HTR2C: variants seen among roughly 807,000 people sequenced by gnomAD.
HTR2C encodes 5-hydroxytryptamine receptor 2C.
HTR2C carries 5 observed loss-of-function variants against 21.0 expected under a neutral mutation model. The observed-to-expected ratio is 0.24, with a 90% CI of 0.12 to 0.50. HTR2C has a LOEUF of 0.50. HTR2C is among the 20% of genes least tolerant of loss of function. The pLI, the probability that HTR2C is intolerant of heterozygous loss-of-function variation, is 0.98. For synonymous variants in HTR2C, 150 were observed against 145.3 expected (o/e 1.03, Z -0.23); for missense variants, 271 against 371.2 (o/e 0.73, Z 2.22).
intron 1 of HTR2C, among the ~76,000 whole-genome samples, chrX:114,611,760 C>T (rs1928744154): frequency 9.0e-6 from 1 of 111,627 alleles, no homozygotes; most frequent in Non-Finnish European, 1.9e-5. Flanking sequence ...TGCAGTGGCG[C>T]GATCTCGGCT....
intron 2 of HTR2C, among the ~76,000 whole-genome samples, chrX:114,712,387 A>G (rs1932904697): frequency 8.9e-6 from 1 of 112,103 alleles, no homozygotes; most frequent in Admixed American, 9.5e-5. Flanking sequence ...AGAAATGAAT[A>G]CTTTAATCAA....
chrX:114,807,313 A>ATATCTATACCATATATATACACCATG (rs1569496245), intron 4 of HTR2C, among the ~76,000 whole-genome samples: 1 of 69,906 alleles, frequency 1.4e-5, no homozygotes, highest in Non-Finnish European at 2.5e-5. Flanking sequence ...TATACACCAT[A>ATATCTATACCATATATATACACCATG]TATCTATACC....
chrX:114,800,450 A>G (rs1228807227), intron 4 of HTR2C, among the ~76,000 whole-genome samples: 1 of 111,356 alleles, frequency 9.0e-6, no homozygotes, highest in Non-Finnish European at 1.9e-5. Flanking sequence ...TTCTCAAATC[A>G]TCATCCTATC....
At chrX:114,774,958 T>A (rs2070041909) in intron 4 of HTR2C, 5 of 518,960 alleles carry the variant, frequency 9.6e-6, no homozygotes, top group Non-Finnish European at 1.8e-5. Context: ...AATGATGAGA[T>A]TGCAGACTTT....
intron 4 of HTR2C, among the ~76,000 whole-genome samples, chrX:114,806,213 C>T (rs1211182949): frequency 1.0e-5 from 1 of 97,546 alleles, no homozygotes; most frequent in Non-Finnish European, 2.0e-5. Flanking sequence ...TATATATACA[C>T]TCTATATACC....
chrX:114,846,966 G>C (rs1315751975), intron 4 of HTR2C, among the ~76,000 whole-genome samples: 3 of 111,915 alleles, frequency 2.7e-5, no homozygotes, highest in African/African-American at 9.7e-5. Flanking sequence ...GACATTTGTA[G>C]TTCTATACAC....
At chrX:114,594,471 A>G (rs1927754158) in intron 1 of HTR2C, among the ~76,000 whole-genome samples, 1 of 111,574 alleles carries the variant, frequency 9.0e-6, no homozygotes, top group South Asian at 3.7e-4. Flanking sequence ...TAAATGGATC[A>G]AAATGCTTTG....
chrX:114,881,191 CAATTTT>C (rs2071178376), intron 5 of HTR2C, among the ~76,000 whole-genome samples: 1 of 110,737 alleles, frequency 9.0e-6, no homozygotes, highest in South Asian at 3.7e-4. Context: ...ATCCTTTGCC[CAATTTT>C]AATTGGGTTA....
chrX:114,604,368 T>C (rs1437981930), intron 1 of HTR2C, among the ~76,000 whole-genome samples: 1 of 110,213 alleles, frequency 9.1e-6, no homozygotes, highest in Non-Finnish European at 1.9e-5. Flanking sequence ...TTAAGAGGTT[T>C]AGAAGCCTGG....
At chrX:114,686,794 A>G (rs974021504) in intron 2 of HTR2C, among the ~76,000 whole-genome samples, 55 of 111,350 alleles carry the variant, frequency 4.9e-4, no homozygotes, top group Non-Finnish European at 7.9e-4. Flanking sequence ...ATGCAATTTT[A>G]TTTTACATAT....
intron 2 of HTR2C, among the ~76,000 whole-genome samples, chrX:114,716,728 G>A (rs1226075978): frequency 5.4e-5 from 6 of 111,661 alleles, no homozygotes; most frequent in Middle Eastern, 4.7e-3. Flanking sequence ...TTAGAAAATC[G>A]CTAGAGTACA....
intron 2 of HTR2C, among the ~76,000 whole-genome samples, chrX:114,680,452 G>C (rs1340187069): frequency 8.9e-6 from 1 of 112,034 alleles, no homozygotes; most frequent in Non-Finnish European, 1.9e-5. Flanking sequence ...GACATCATTA[G>C]AGCTGAACAC....
At chrX:114,722,899 C>T (rs1157774422) in intron 2 of HTR2C, among the ~76,000 whole-genome samples, 1 of 109,195 alleles carries the variant, frequency 9.2e-6, no homozygotes, top group African/African-American at 3.3e-5. Context: ...TTTTGATGTG[C>T]TGCTGGATTT....
chrX:114,630,937 A>G (rs782013576), intron 2 of HTR2C: 2 of 318,732 alleles, frequency 6.3e-6, no homozygotes, highest in Non-Finnish European at 1.2e-5. Flanking sequence ...CCTGGGTCCT[A>G]TGACCTGCCT....
intron 5 of HTR2C, among the ~76,000 whole-genome samples, chrX:114,871,012 T>C: frequency 9.0e-6 from 1 of 111,336 alleles, no homozygotes. Context: ...TAAGATGCAT[T>C]GTTAGATTGT....
rs782451317 is a variant in HTR2C at position 114,644,362 on chromosome X, AATATATATATATATATATATAT to A, written c.-80+30506_-80+30527del. On this transcript the variant is annotated intron_variant, in intron 2 of 5. Coordinates refer to ENST00000276198, the MANE Select transcript of HTR2C (RefSeq NM_000868.4). ...TCCATCTAAAATAAATAAATAAATA[AATATATATATATATATATATAT>A]ATATATATATATATATATATATATT... 3.4e-4 allele frequency among the ~76,000 whole-genome samples: 13 copies of A among 38,252 alleles called. 1 individual carries two copies. The highest frequency in any genetic ancestry group is 0.014 in the Middle Eastern group (1 of 70). 33.2% of individuals were successfully genotyped at this position (38,252 alleles called of 115,157 possible).
chrX:114,775,899 T>C (rs2070051991), intron 4 of HTR2C: 3 of 372,251 alleles, frequency 8.1e-6, no homozygotes, highest in Non-Finnish European at 1.4e-5. Context: ...GCAATGGATG[T>C]ACAGAAGTCA....
chrX:114,807,459 CCATATATATATACCATATATATACAT>C (rs1556450875), intron 4 of HTR2C, among the ~76,000 whole-genome samples: 323 of 25,623 alleles, frequency 0.013, 4 homozygotes, highest in East Asian at 0.052. Context: ...TATATATACG[CCATATATATATACCATATATATACAT>C]CATATATATA....
intron 2 of HTR2C, among the ~76,000 whole-genome samples, chrX:114,667,942 ATACT>A (rs1327343672): frequency 8.9e-6 from 1 of 112,003 alleles, no homozygotes; most frequent in African/African-American, 3.2e-5. Flanking sequence ...ATCCACTTAC[ATACT>A]TTCTTCTTAT....
Sources: allele counts gnomAD v4.1 joint callset (sites outside exome capture counted in the v4.1 genomes callset), GRCh38; gene constraint gnomAD v4.1.1; transcripts MANE v1.5; gene names NCBI Gene and HGNC (gene_info 2026-07-23, HGNC 2026-07-21).